HS2ST1: variants seen among roughly 807,000 people sequenced by gnomAD.
The protein encoded by HS2ST1 is 2-O-sulfotransferase.
A neutral mutation model predicts 42.9 loss-of-function variants in HS2ST1; 18 were observed. That is an observed-to-expected ratio of 0.42 (90% CI 0.29 to 0.62). HS2ST1 has a LOEUF of 0.62. Ranked by LOEUF, HS2ST1 falls within the 20% of genes least tolerant of loss-of-function variation. The probability of loss-of-function intolerance (pLI) is 0.21; values close to 1 mark genes in which losing one functional copy is unlikely to be tolerated. For synonymous variants in HS2ST1, 146 were observed against 152.9 expected (o/e 0.95, Z 0.33); for missense variants, 334 against 433.8 (o/e 0.77, Z 2.04).
intron 1 of HS2ST1, among the ~76,000 whole-genome samples, chr1:87,059,462 GGAACAGTT>G (rs1173763466): frequency 6.6e-6 from 1 of 152,120 alleles, no homozygotes; most frequent in East Asian, 1.9e-4. Flanking sequence ...TATGAAAATA[GGAACAGTT>G]CACTTGAGAA....
intron 1 of HS2ST1, among the ~76,000 whole-genome samples, chr1:86,942,628 A>G (rs930495264): frequency 5.9e-5 from 9 of 152,110 alleles, no homozygotes; most frequent in Non-Finnish European, 1.2e-4. Flanking sequence ...TTTCTGCAGC[A>G]CTGTTTAGCT....
At chr1:86,952,210 C>A (rs72947887) in intron 1 of HS2ST1, among the ~76,000 whole-genome samples, 3,570 of 152,182 alleles carry the variant, frequency 0.023, 69 homozygotes, top group African/African-American at 0.049. Context: ...TCCGTGGCAG[C>A]TATAGCCTTA....
At chr1:87,040,866 G>T (rs962835898) in intron 1 of HS2ST1, among the ~76,000 whole-genome samples, 4 of 152,064 alleles carry the variant, frequency 2.6e-5, no homozygotes, top group African/African-American at 9.7e-5. Flanking sequence ...CAATTTCCAA[G>T]AATTAGTTAG....
At chr1:86,997,977 G>A (rs1226141539) in intron 1 of HS2ST1, among the ~76,000 whole-genome samples, 2 of 152,032 alleles carry the variant, frequency 1.3e-5, no homozygotes, top group Non-Finnish European at 2.9e-5. Context: ...GATGAAGGAG[G>A]CCTACTGTAT....
chr1:86,947,805 G>A (rs927928570), intron 1 of HS2ST1, among the ~76,000 whole-genome samples: 1 of 152,092 alleles, frequency 6.6e-6, no homozygotes, highest in Non-Finnish European at 1.5e-5. Context: ...GAGACACAAG[G>A]TAGGCTAAAT....
chr1:86,927,524 A>G (rs1378743218), intron 1 of HS2ST1, among the ~76,000 whole-genome samples: 3 of 152,206 alleles, frequency 2.0e-5, no homozygotes, highest in African/African-American at 4.8e-5. Context: ...ACAAGTTAGG[A>G]ATAATCCATT....
rs769387432 is a variant in HS2ST1 at position 87,052,710 on chromosome 1, T to A, written c.125-20224T>A. Among the ~76,000 whole-genome samples, 24 of 152,204 alleles carry A rather than the reference T, an allele frequency of 1.6e-4. 1 individual carries two copies. Among genetic ancestry groups the A allele is most frequent in the Non-Finnish European group, 2.8e-4 (19 of 68,030 alleles). On this transcript the variant is annotated intron_variant, in intron 1 of 6. Transcript: ENST00000370550. Reference sequence around the variant, plus strand: ...ATGAGTTAAAGGGTAATGGATGTGATGACCAGAATACCCTCACAACTAGTT... The same window carrying A: ...ATGAGTTAAAGGGTAATGGATGTGAAGACCAGAATACCCTCACAACTAGTT...
chr1:87,040,113 A>T (rs1650482444), intron 1 of HS2ST1, among the ~76,000 whole-genome samples: 1 of 152,230 alleles, frequency 6.6e-6, no homozygotes, highest in Non-Finnish European at 1.5e-5. Context: ...AATAATGGAA[A>T]GTTCATAGGC....
At chr1:87,040,190 G>A (rs933334620) in intron 1 of HS2ST1, among the ~76,000 whole-genome samples, 4 of 152,140 alleles carry the variant, frequency 2.6e-5, no homozygotes, top group Non-Finnish European at 5.9e-5. Context: ...AGAGTCTCAT[G>A]TTTGTGGAAA....
intron 1 of HS2ST1, among the ~76,000 whole-genome samples, chr1:87,051,570 T>C (rs535637308): frequency 1.3e-5 from 2 of 152,346 alleles, no homozygotes; most frequent in East Asian, 3.9e-4. Context: ...AATATTCTAC[T>C]TGAGAATTTT....
chr1:87,103,367 C>T, intron 5 of HS2ST1, 65 bp from the exon 6 acceptor site: 1 of 1,439,990 alleles, frequency 6.9e-7, no homozygotes, highest in South Asian at 1.4e-5. Context: ...TATATGGTGT[C>T]AAAGGCACCA....
At chr1:87,040,657 G>A (rs370217508) in intron 1 of HS2ST1, among the ~76,000 whole-genome samples, 9 of 152,200 alleles carry the variant, frequency 5.9e-5, no homozygotes, top group East Asian at 3.9e-4. Flanking sequence ...AGATCCAAGC[G>A]TTCTGCTTAT....
At chr1:86,988,990 G>A (rs1402627498) in intron 1 of HS2ST1, among the ~76,000 whole-genome samples, 4 of 152,160 alleles carry the variant, frequency 2.6e-5, no homozygotes, top group African/African-American at 7.2e-5. Context: ...CATGGGAAAC[G>A]GTCAAAGACA....
rs1206281442 is a variant in HS2ST1 at position 87,051,337 on chromosome 1, GAACA to G, written c.125-21592_125-21589del. Reference sequence around the variant, plus strand: ...GGATGAGGCAGAGTAACTCACAATAGAACAAACAGTTTTGAGTTACTTTGCCTTA... The same window carrying G: ...GGATGAGGCAGAGTAACTCACAATAGAACAGTTTTGAGTTACTTTGCCTTA... On this transcript the variant is annotated intron_variant, in intron 1 of 6. Transcript: ENST00000370550. 5.9e-5 allele frequency among the ~76,000 whole-genome samples: 9 copies of G among 151,974 alleles called. No homozygotes were observed. The South Asian group carries it at 1.5e-3, about 25-fold the overall frequency.
At chr1:87,052,771 C>T (rs1891833) in intron 1 of HS2ST1, among the ~76,000 whole-genome samples, 129,110 of 152,170 alleles carry the variant, frequency 0.85, 55,855 homozygotes, top group East Asian at 0.99. Context: ...ATCTAAGGTA[C>T]ATCTAAAATT....
At chr1:87,016,136 A>G (rs191266983) in intron 1 of HS2ST1, among the ~76,000 whole-genome samples, 5 of 152,198 alleles carry the variant, frequency 3.3e-5, no homozygotes, top group African/African-American at 1.2e-4. Flanking sequence ...TCTTAATGAG[A>G]ATGAAGGGGT....
At chr1:86,924,751 G>A (rs1273675642) in intron 1 of HS2ST1, among the ~76,000 whole-genome samples, 1 of 152,118 alleles carries the variant, frequency 6.6e-6, no homozygotes, top group African/African-American at 2.4e-5. Flanking sequence ...CGGGGACCCT[G>A]GGCCTGGCCC....
At chr1:87,082,270 A>G (rs1651712194) in intron 2 of HS2ST1, among the ~76,000 whole-genome samples, 1 of 152,238 alleles carries the variant, frequency 6.6e-6, no homozygotes, top group Non-Finnish European at 1.5e-5. Context: ...GTTTAGTTTA[A>G]TATTGACCAT....
intron 1 of HS2ST1, among the ~76,000 whole-genome samples, chr1:87,035,159 A>G (rs1003652078): frequency 6.6e-6 from 1 of 152,206 alleles, no homozygotes; most frequent in Non-Finnish European, 1.5e-5. Context: ...TCCAGAAGGA[A>G]CATAACCTAG....
Sources: allele counts gnomAD v4.1 joint callset (sites outside exome capture counted in the v4.1 genomes callset), GRCh38; gene constraint gnomAD v4.1.1; transcripts MANE v1.5; gene names NCBI Gene and HGNC (gene_info 2026-07-23, HGNC 2026-07-21).